UBE2G1: variants seen among roughly 807,000 people sequenced by gnomAD.
UBE2G1 encodes ubiquitin conjugating enzyme E2 G1, also known as ubiquitin-conjugating enzyme E2 G1.
In UBE2G1, 5 loss-of-function variants were observed where a neutral mutation model predicts 22.7. The observed-to-expected ratio is 0.22, with a 90% CI of 0.12 to 0.46. The LOEUF (loss-of-function observed/expected upper bound fraction) is 0.46, where lower values mean the gene tolerates loss of function less well. UBE2G1 is among the 20% of genes least tolerant of loss of function. The pLI is 0.99. For missense variants in UBE2G1, 88 were observed against 203.9 expected (o/e 0.43, Z 3.46); for synonymous variants, 74 against 67.5 (o/e 1.10, Z -0.47).
At chr17:4,288,649 G>A (rs1322121745) in intron 4 of UBE2G1, among the ~76,000 whole-genome samples, 1 of 152,118 alleles carries the variant, frequency 6.6e-6, no homozygotes, top group African/African-American at 2.4e-5. Flanking sequence ...AAATCTGATT[G>A]CATTGAAAAA....
chr17:4,317,487 C>G (rs1969388869), intron 1 of UBE2G1, among the ~76,000 whole-genome samples: 1 of 152,304 alleles, frequency 6.6e-6, no homozygotes, highest in East Asian at 1.9e-4. Context: ...CCAATGCACT[C>G]CAGCCTGGGA....
chr17:4,301,348 T>A, intron 2 of UBE2G1: 1 of 486,536 alleles, frequency 2.1e-6, no homozygotes, highest in South Asian at 1.9e-5. Flanking sequence ...ACGGGCGCAA[T>A]GGAGGAGAAG....
At chr17:4,278,910 C>A (rs995557709) in intron 5 of UBE2G1, among the ~76,000 whole-genome samples, 2 of 152,126 alleles carry the variant, frequency 1.3e-5, no homozygotes, top group South Asian at 4.1e-4. Flanking sequence ...CGGACTTAAA[C>A]CTTTGCATTT....
chr17:4,340,584 C>A (rs1289637671), intron 1 of UBE2G1, among the ~76,000 whole-genome samples: 1 of 152,112 alleles, frequency 6.6e-6, no homozygotes, highest in Non-Finnish European at 1.5e-5. Context: ...CTTCGCACTG[C>A]ACTTCTCTCT....
At chr17:4,291,947 G>A (rs970394015) in intron 3 of UBE2G1, among the ~76,000 whole-genome samples, 1 of 152,014 alleles carries the variant, frequency 6.6e-6, no homozygotes, top group South Asian at 2.1e-4. Context: ...TCTTGCCACG[G>A]TGTTTCTTAG....
rs112059605 is a variant in UBE2G1, at chr17:4,283,242, G to A, written c.427-321C>T. 9.8e-4 allele frequency among the ~76,000 whole-genome samples: 149 copies of A among 152,370 alleles called. 1 individual carries two copies. Among genetic ancestry groups the A allele is most frequent in the African/African-American group, 3.3e-3 (138 of 41,588 alleles). ...CAATAAGACATTCAGGCCAGGGGCC[G>A]TGGCGCACGTCCATAATCCCAGCAA... On this transcript the variant is annotated intron_variant, in intron 4 of 5. Coordinates refer to ENST00000396981, the MANE Select transcript of UBE2G1 (RefSeq NM_003342.5).
intron 1 of UBE2G1, among the ~76,000 whole-genome samples, chr17:4,315,671 C>T (rs1465615117): frequency 1.3e-5 from 2 of 150,136 alleles, no homozygotes; most frequent in Non-Finnish European, 3.0e-5. Context: ...ACCCGGGAGG[C>T]GGAGCTTGCA....
At chr17:4,359,271 T>G (rs192758122) in intron 1 of UBE2G1, among the ~76,000 whole-genome samples, 21 of 152,290 alleles carry the variant, frequency 1.4e-4, no homozygotes, top group Middle Eastern at 3.4e-3. Flanking sequence ...AGGTAAAAAT[T>G]TAAGGTCTTT....
chr17:4,286,418 A>G (rs1373435906), intron 4 of UBE2G1, among the ~76,000 whole-genome samples: 1 of 152,070 alleles, frequency 6.6e-6, no homozygotes, highest in Admixed American at 6.6e-5. Flanking sequence ...AAAAAAAAAA[A>G]AAAGAATGGT....
chr17:4,332,418 T>C, intron 1 of UBE2G1, among the ~76,000 whole-genome samples: 1 of 152,226 alleles, frequency 6.6e-6, no homozygotes. Flanking sequence ...GCTGGGGTAC[T>C]ATGGAAAATA....
rs1048095712 is a variant in UBE2G1 at position 4,307,202 on chromosome 17, T to C, written c.47-79A>G. 8.2e-6 allele frequency: 10 copies of C among 1,226,086 alleles called. No individual in the cohort carries two copies. In the African/African-American group the frequency reaches 1.4e-4, roughly 17 times the overall value. The allele number at this position is 1,226,086 out of a possible 1,614,324, so 76.0% of individuals were successfully genotyped here. A position where few individuals can be genotyped will look rare whatever the true frequency, so the allele number is the denominator to read the frequency against. ...GTAGATAAATTACAGAACTTGAGCGTACATGTTTTATGTAAGTTTTAAACC... is the reference window on the plus strand; with the variant it reads ...GTAGATAAATTACAGAACTTGAGCGCACATGTTTTATGTAAGTTTTAAACC... On this transcript the variant is annotated intron_variant, in intron 1 of 5. Transcript: ENST00000396981.
intron 1 of UBE2G1, among the ~76,000 whole-genome samples, chr17:4,365,939 C>A (rs1970028937): frequency 2.0e-5 from 3 of 151,974 alleles, no homozygotes; most frequent in Non-Finnish European, 4.4e-5. Context: ...CCCGCCCCTC[C>A]AAGCTGGCGG....
chr17:4,339,332 T>C (rs1283107584), intron 1 of UBE2G1, among the ~76,000 whole-genome samples: 1 of 151,932 alleles, frequency 6.6e-6, no homozygotes, highest in East Asian at 1.9e-4. Context: ...GAGACGGAAT[T>C]TCACTCTTGT....
At chr17:4,274,307 C>T (rs1426580686) in intron 5 of UBE2G1, among the ~76,000 whole-genome samples, 2 of 151,438 alleles carry the variant, frequency 1.3e-5, no homozygotes, top group African/African-American at 4.9e-5. Flanking sequence ...GCGCCATTCT[C>T]CTGCCTCAGC....
chr17:4,302,118 T>C (rs1969188868), intron 2 of UBE2G1: 3 of 526,118 alleles, frequency 5.7e-6, no homozygotes, highest in Non-Finnish European at 1.2e-5. Flanking sequence ...ATTTATCATC[T>C]GTGTCTGCTA....
At chr17:4,318,086 T>C (rs1969397885) in intron 1 of UBE2G1, among the ~76,000 whole-genome samples, 1 of 152,184 alleles carries the variant, frequency 6.6e-6, no homozygotes, top group South Asian at 2.1e-4. Context: ...TGAGTCTCAT[T>C]TTCCTTATCA....
chr17:4,300,156 T>A (rs1212809352), intron 2 of UBE2G1, among the ~76,000 whole-genome samples: 1 of 151,770 alleles, frequency 6.6e-6, no homozygotes, highest in Non-Finnish European at 1.5e-5. Context: ...AGCAGCCAAG[T>A]TAGCAAAGAG....
At position 4,289,389 on chromosome 17, in the gene UBE2G1, C is replaced by T; in HGVS notation, c.267G>A (p.Val89=). The change falls in exon 4 of 6, where the codon GTG becomes GTA. Residue 89 remains valine, a synonymous_variant. Transcript: ENST00000396981. ...WHPNVDKNGD[V]CISILHEPGE... ...CAGGCTCATGAAGAATAGAAATGCA[C>T]ACATCACCATTTTTATCAACTGCAA... The T allele has an allele frequency of 6.5e-7, 1 of 1,533,296 alleles. No homozygotes were observed. Among genetic ancestry groups the T allele is most frequent in the Non-Finnish European group, 8.8e-7 (1 of 1,139,086 alleles). 95.0% of individuals were successfully genotyped at this position (1,533,296 alleles called of 1,614,324 possible).
intron 1 of UBE2G1, chr17:4,345,859 G>A (rs1393690643): frequency 1.3e-5 from 2 of 152,140 alleles, no homozygotes; most frequent in African/African-American, 4.8e-5. Context: ...CTCAAAATGA[G>A]AAGGCGGAGG....
Sources: gnomAD v4.1 joint callset for allele counts (sites outside exome capture counted in the v4.1 genomes callset) on GRCh38, gnomAD v4.1.1 for gene constraint, MANE v1.5 for transcripts, NCBI Gene and HGNC (gene_info 2026-07-23, HGNC 2026-07-21) for gene names.